Variants in ZFHX3 observed in about 807,000 individuals in gnomAD.
ZFHX3 encodes zinc finger homeobox protein 3.
A neutral mutation model predicts 279.1 loss-of-function variants in ZFHX3; 42 were observed. The ratio of observed to expected loss-of-function variants is 0.15; its 90% CI spans 0.12 to 0.19. ZFHX3 has a LOEUF of 0.19. Among genes scored for constraint, ZFHX3 ranks in the 10% least tolerant of loss-of-function variants. ZFHX3 has a pLI of 1.00. For missense variants in ZFHX3, 4,981 were observed against 4,754.0 expected, an observed-to-expected ratio of 1.05 and a Z score of -1.40; for synonymous variants, 2,293 against 1,957.8, an observed-to-expected ratio of 1.17 and a Z score of -4.52.
intron 5 of ZFHX3, among the ~76,000 whole-genome samples, chr16:73,148,591 A>C (rs140025204): frequency 0.049 from 2,838 of 58,030 alleles, 119 homozygotes; most frequent in African/African-American, 0.15. Flanking sequence ...TTTTACTATT[A>C]TCTGTGTGAT....
At chr16:73,594,027 A>C (rs563558411) in intron 2 of ZFHX3, among the ~76,000 whole-genome samples, 6 of 152,314 alleles carry the variant, frequency 3.9e-5, no homozygotes, top group Admixed American at 1.3e-4. Context: ...ATTATACTGG[A>C]GGTCACAGCC....
chr16:73,168,726 T>C (rs1967452424), intron 5 of ZFHX3, among the ~76,000 whole-genome samples: 1 of 152,168 alleles, frequency 6.6e-6, no homozygotes, highest in Admixed American at 6.5e-5. Context: ...AGAATACAAA[T>C]GTATCATCTC....
intron 2 of ZFHX3, among the ~76,000 whole-genome samples, chr16:73,496,281 A>G (rs1192122913): frequency 6.6e-6 from 1 of 152,236 alleles, no homozygotes; most frequent in Admixed American, 6.5e-5. Flanking sequence ...CTGTAATCCC[A>G]GTACTTTGGG....
At chr16:73,547,843 T>C (rs2020146836) in intron 2 of ZFHX3, among the ~76,000 whole-genome samples, 1 of 152,226 alleles carries the variant, frequency 6.6e-6, no homozygotes, top group South Asian at 2.1e-4. Context: ...ATTTCAAAAG[T>C]GCAGGGAAAA....
intron 5 of ZFHX3, among the ~76,000 whole-genome samples, chr16:73,200,574 GA>G (rs1179314513): frequency 1.3e-5 from 2 of 152,140 alleles, no homozygotes; most frequent in African/African-American, 4.8e-5. Flanking sequence ...GCCATAGTCT[GA>G]AAAAACCGAT....
At chr16:73,420,673 G>A (rs1440108146) in intron 3 of ZFHX3, 3 of 152,168 alleles carry the variant, frequency 2.0e-5, no homozygotes, top group Non-Finnish European at 4.4e-5. Context: ...GATGAACCAA[G>A]CTGGCTGGTG....
At chr16:72,899,269 C>G (rs1476880589) in intron 3 of ZFHX3, among the ~76,000 whole-genome samples, 5 of 152,150 alleles carry the variant, frequency 3.3e-5, no homozygotes, top group African/African-American at 9.7e-5. Flanking sequence ...TGGGAGGTAA[C>G]TGAATCATGG....
At chr16:73,378,029 TCAAAAAAAAAAAAAAA>T (rs1471884106) in intron 3 of ZFHX3, among the ~76,000 whole-genome samples, 2 of 10,328 alleles carry the variant, frequency 1.9e-4, no homozygotes, top group Non-Finnish European at 3.1e-4. Context: ...AGACTCTGTC[TCAAAAAAAAAAAAAAA>T]AAAAAAAAAA....
rs1337063315 is a variant in ZFHX3, at chr16:73,242,043, A to C, written c.-1104+15004T>G. On this transcript the variant is annotated intron_variant, in intron 5 of 17. Transcript: ENST00000641206. Reference sequence around the variant, plus strand: ...TCAAGTGCTGGGCTCTAAGTCCAGCAGAAAGTTGGTAATCATTGCTTTTGC... The same window carrying C: ...TCAAGTGCTGGGCTCTAAGTCCAGCCGAAAGTTGGTAATCATTGCTTTTGC... Among the ~76,000 whole-genome samples, 3 of 152,212 alleles carry C rather than the reference A, an allele frequency of 2.0e-5. No individual in the cohort carries two copies. The East Asian group carries it at 5.8e-4, about 29-fold the overall frequency.
chr16:73,055,132 T>C (rs979379152), intron 1 of ZFHX3, among the ~76,000 whole-genome samples: 1 of 152,020 alleles, frequency 6.6e-6, no homozygotes, highest in Non-Finnish European at 1.5e-5. Flanking sequence ...TCTCTCTCTT[T>C]TTTTTTTTAA....
intron 8 of ZFHX3, chr16:73,092,851 G>A (rs72795164): frequency 0.021 from 10,683 of 503,400 alleles, 165 homozygotes; most frequent in Middle Eastern, 0.11. Flanking sequence ...CAGACCCGGA[G>A]TTTAATAGGG....
rs1354714621 is a variant in ZFHX3 at position 72,958,339 on chromosome 16, G to C, written c.1807C>G (p.Pro603Ala). Residue 603 changes from proline to alanine, a missense_variant, in exon 2 of 10, where the codon CCA becomes GCA. Physicochemically the swap from Pro to Ala is conservative, Grantham distance 27 (BLOSUM62 -1). Around this residue, in one of 7 missense-constraint regions of ZFHX3, gnomAD observed 1,068 missense variants for 935.2 expected, o/e 1.14. Coordinates refer to ENST00000268489, the MANE Select transcript of ZFHX3 (RefSeq NM_006885.4). ...ESANKDNATA[P>A]EPNESTEGDD... ...CCCTCTGTGCTTTCATTTGGTTCTG[G>C]TGCTGTGGCATTGTCTTTATTGGCA... 1 of 1,614,088 alleles carries C rather than the reference G, an allele frequency of 6.2e-7. No individual in the cohort carries two copies. Among genetic ancestry groups the C allele is most frequent in the Non-Finnish European group, 8.5e-7 (1 of 1,179,956 alleles).
intron 5 of ZFHX3, among the ~76,000 whole-genome samples, chr16:73,147,297 ATTCAACC>A (rs1175371258): frequency 6.6e-6 from 1 of 152,198 alleles, no homozygotes; most frequent in Non-Finnish European, 1.5e-5. Context: ...TGTTAGACAA[ATTCAACC>A]TTCAAAACAC....
Position 72,798,587 on chromosome 16 carries a change from C to T in ZFHX3, c.4095G>A (p.Lys1365=), listed in dbSNP as rs1241395735. 1 of 1,614,206 alleles carries T rather than the reference C, an allele frequency of 6.2e-7. No homozygotes were observed. Residue 1365 remains lysine, a synonymous_variant, in exon 9 of 10, where the codon AAG becomes AAA. Coordinates refer to ENST00000268489, the MANE Select transcript of ZFHX3 (RefSeq NM_006885.4). ...REDSGFICWK[K]GCNQVFKTSA... ...AAGTTTTGAAAACCTGGTTGCACCC[C>T]TTCTTCCAGCAGATGAAGCCTGAGT...
intron 2 of ZFHX3, among the ~76,000 whole-genome samples, chr16:73,674,414 A>G (rs372142089): frequency 5.3e-5 from 8 of 152,346 alleles, no homozygotes; most frequent in African/African-American, 1.7e-4. Flanking sequence ...CTAAAAATCA[A>G]TTGGAAGAGA....
intron 3 of ZFHX3, among the ~76,000 whole-genome samples, chr16:73,434,083 G>C (rs2017956198): frequency 6.6e-6 from 1 of 152,190 alleles, no homozygotes; most frequent in East Asian, 1.9e-4. Flanking sequence ...GTGGTCAGTA[G>C]TTATCAACTG....
At chr16:73,358,089 C>T (rs535616896) in intron 3 of ZFHX3, among the ~76,000 whole-genome samples, 95 of 152,326 alleles carry the variant, frequency 6.2e-4, no homozygotes, top group African/African-American at 2.2e-3. Flanking sequence ...TGGAGCTGGG[C>T]TAACTCTTCT....
chr16:73,172,471 A>G (rs1243935184), intron 5 of ZFHX3, among the ~76,000 whole-genome samples: 2 of 152,164 alleles, frequency 1.3e-5, no homozygotes, highest in African/African-American at 4.8e-5. Flanking sequence ...CTAATGGGCC[A>G]ATTTGTTTGA....
chr16:73,242,559 C>T (rs1238361930), intron 5 of ZFHX3, among the ~76,000 whole-genome samples: 3 of 152,096 alleles, frequency 2.0e-5, no homozygotes, highest in Non-Finnish European at 2.9e-5. Context: ...CAAAGCAAAA[C>T]GGATCACAGA....
Sources: allele counts gnomAD v4.1 joint callset (sites outside exome capture counted in the v4.1 genomes callset), GRCh38; gene constraint gnomAD v4.1.1; regional missense constraint gnomAD v4.1.1; transcripts MANE v1.5; gene names NCBI Gene and HGNC (gene_info 2026-07-23, HGNC 2026-07-21).